SUSD1: variants seen among roughly 807,000 people sequenced by gnomAD.
The protein encoded by SUSD1 is sushi domain containing 1, also known as sushi domain-containing protein 1.
In SUSD1, 65 loss-of-function variants were observed where a neutral mutation model predicts 86.9. The ratio of observed to expected loss-of-function variants is 0.75; its 90% CI spans 0.61 to 0.92. The LOEUF is 0.92. Among genes scored for constraint, SUSD1 ranks in the 40% least tolerant of loss-of-function variants. The pLI is 0.00. For synonymous variants in SUSD1, 346 were observed against 350.0 expected, an observed-to-expected ratio of 0.99 and a Z score of 0.13; for missense variants, 850 against 929.7, an observed-to-expected ratio of 0.91 and a Z score of 1.11.
chr9:112,169,468 G>T (rs529919562), intron 1 of SUSD1: 32 of 151,466 alleles, frequency 2.1e-4, no homozygotes, highest in African/African-American at 6.3e-4. Flanking sequence ...TGGCTCACAC[G>T]ACCCAATCCT....
chr9:112,105,981 C>A lies in SUSD1; in HGVS notation c.1172-3696G>T, dbSNP rs180860394. ...AAGCTGAAAATCAAATTGCTTACAT[C>A]GAATTTTTTATATTTTATTTATTTA... On this transcript the variant is annotated intron_variant, in intron 8 of 16. Coordinates refer to ENST00000374270, the MANE Select transcript of SUSD1 (RefSeq NM_022486.5). Among the ~76,000 whole-genome samples, 197 of 152,126 alleles carry A rather than the reference C, an allele frequency of 1.3e-3. 1 individual carries two copies. The highest frequency in any genetic ancestry group is 2.4e-3 in the Non-Finnish European group (166 of 67,996).
chr9:112,043,172 G>T (rs532401098), intron 15 of SUSD1, among the ~76,000 whole-genome samples: 1 of 152,136 alleles, frequency 6.6e-6, no homozygotes, highest in South Asian at 2.1e-4. Flanking sequence ...TAACAAATTA[G>T]CCATGAGATT....
At chr9:112,048,008 G>T (rs1420398950) in intron 15 of SUSD1, among the ~76,000 whole-genome samples, 1 of 152,116 alleles carries the variant, frequency 6.6e-6, no homozygotes, top group Non-Finnish European at 1.5e-5. Context: ...TTTCTTACTG[G>T]CTGCAGCCAG....
chr9:112,079,810 C>T (rs529965467), intron 11 of SUSD1, among the ~76,000 whole-genome samples: 1 of 152,234 alleles, frequency 6.6e-6, no homozygotes, highest in South Asian at 2.1e-4. Flanking sequence ...ACCATGTTGA[C>T]CAGGCTGGTC....
rs1409549774 is a variant in SUSD1 at position 112,098,548 on chromosome 9, C to A, written c.1396G>T (p.Asp466Tyr). ...VVCLDLYPTTDYTVNVTLLRS... is the reference protein window; with the variant it reads ...VVCLDLYPTTYYTVNVTLLRS... ...AGCAGGGTCACATTCACCGTATAAT[C>A]AGTCGTAGGGTACAGATCCAAACAC... Residue 466 changes from aspartate (D) to tyrosine (Y), a missense_variant, in exon 10 of 17, where the codon GAT (aspartate) becomes TAT (tyrosine). Coordinates refer to ENST00000374270, the MANE Select transcript of SUSD1 (RefSeq NM_022486.5). 1 of 1,614,196 alleles carries A rather than the reference C, an allele frequency of 6.2e-7. No homozygotes were observed. The highest frequency in any genetic ancestry group is 1.1e-5 in the South Asian group (1 of 91,082).
Position 112,113,758 on chromosome 9 carries a change from C to T in SUSD1, c.887-890G>A, listed in dbSNP as rs1469089238. On this transcript the variant is annotated intron_variant, in intron 6 of 16. Transcript: ENST00000374270. The surrounding 1 kb of genome is among the most constrained non-coding windows in gnomAD (Gnocchi z 4.1). Reference sequence around the variant, plus strand: ...ACCAGCCTGGCCAACATAGTGAAACCCCATCTCTACTAAAAATACAAAACT... The same window carrying T: ...ACCAGCCTGGCCAACATAGTGAAACTCCATCTCTACTAAAAATACAAAACT... Among the ~76,000 whole-genome samples, 2 of 151,974 alleles carry T rather than the reference C, an allele frequency of 1.3e-5. No individual in the cohort carries two copies. Among genetic ancestry groups the T allele is most frequent in the Non-Finnish European group, 1.5e-5 (1 of 68,010 alleles).
intron 6 of SUSD1, among the ~76,000 whole-genome samples, chr9:112,123,018 A>C (rs1368914618): frequency 2.0e-5 from 3 of 152,204 alleles, no homozygotes; most frequent in Non-Finnish European, 4.4e-5. Flanking sequence ...CAAGATGAAA[A>C]AGTTCTGGAG....
chr9:112,142,226 A>G, intron 5 of SUSD1, 94 bp downstream of exon 5: 1 of 1,053,128 alleles, frequency 9.5e-7, no homozygotes, highest in Non-Finnish European at 1.3e-6. Context: ...GGTTTACTTA[A>G]CTCATTTATT....
At chr9:112,145,326 C>T (rs1832764602) in intron 3 of SUSD1, among the ~76,000 whole-genome samples, 1 of 141,932 alleles carries the variant, frequency 7.0e-6, no homozygotes, top group Non-Finnish European at 1.5e-5. Flanking sequence ...GTTGCCCAGG[C>T]TGGAGTGCAA....
intron 1 of SUSD1, among the ~76,000 whole-genome samples, chr9:112,170,339 G>A (rs1473143913): frequency 1.3e-5 from 2 of 152,252 alleles, no homozygotes; most frequent in East Asian, 3.9e-4. Flanking sequence ...AGTGAAGTCA[G>A]GTGACCTTTG....
chr9:112,072,140 C>CTTTTTTT, intron 12 of SUSD1, among the ~76,000 whole-genome samples: 51 of 121,166 alleles, frequency 4.2e-4, no homozygotes, highest in Non-Finnish European at 5.6e-4. Flanking sequence ...CTTTCTTTCT[C>CTTTTTTT]TTTTTTTTTT....
intron 12 of SUSD1, among the ~76,000 whole-genome samples, chr9:112,067,265 C>G (rs1441817195): frequency 6.6e-6 from 1 of 152,252 alleles, no homozygotes; most frequent in Middle Eastern, 3.2e-3. Flanking sequence ...CCTCCCAGGT[C>G]TGGCTGGAAG....
chr9:112,132,307 C>T (rs1832067331), intron 5 of SUSD1, among the ~76,000 whole-genome samples: 1 of 152,128 alleles, frequency 6.6e-6, no homozygotes, highest in Non-Finnish European at 1.5e-5. Context: ...GACATTTTGC[C>T]AACTGCCAGG....
chr9:112,126,746 A>C (rs1831793260), intron 5 of SUSD1, among the ~76,000 whole-genome samples: 1 of 151,874 alleles, frequency 6.6e-6, no homozygotes, highest in Non-Finnish European at 1.5e-5. Flanking sequence ...CCCAGAGATA[A>C]CTCTTCTGAT....
intron 2 of SUSD1, among the ~76,000 whole-genome samples, chr9:112,149,906 T>C (rs947716682): frequency 3.3e-5 from 5 of 152,218 alleles, no homozygotes; most frequent in African/African-American, 1.2e-4. Context: ...GAAGCAGGAA[T>C]AGCTCATGCT....
Position 112,074,623 on chromosome 9 carries a change from G to A in SUSD1, c.1753+3915C>T, listed in dbSNP as rs576356924. Among the ~76,000 whole-genome samples the A allele has an allele frequency of 3.9e-5, 6 of 152,252 alleles. 1 individual carries two copies. The East Asian group carries it at 7.7e-4, about 20-fold the overall frequency. ...TCCACTCTCTTTCCTTCTGGGAAAT[G>A]AGCAGCTACATTGTCCAGACCCAAA... On this transcript the variant is annotated intron_variant, in intron 12 of 16. Coordinates refer to ENST00000374270, the MANE Select transcript of SUSD1 (RefSeq NM_022486.5).
intron 5 of SUSD1, among the ~76,000 whole-genome samples, chr9:112,132,161 C>T (rs890665183): frequency 5.9e-5 from 9 of 152,080 alleles, no homozygotes; most frequent in African/African-American, 1.4e-4. Flanking sequence ...GTTTATTATA[C>T]GCATCAGCAC....
intron 1 of SUSD1, chr9:112,169,202 T>C (rs545082064): frequency 1.3e-5 from 2 of 152,220 alleles, no homozygotes; most frequent in Admixed American, 6.5e-5. Context: ...CAATGTAATA[T>C]TTGCAGGGCT....
chr9:112,098,429 A>G (rs1266799552), intron 10 of SUSD1, 41 bp downstream of exon 10: 1 of 1,596,020 alleles, frequency 6.3e-7, no homozygotes, highest in East Asian at 2.2e-5. Flanking sequence ...CACATAGGTA[A>G]TTTGTCCTGA....
Sources: gnomAD v4.1 joint callset for allele counts (sites outside exome capture counted in the v4.1 genomes callset) on GRCh38, gnomAD v4.1.1 for gene constraint, Gnocchi (gnomAD v3.1) non-coding constraint, MANE v1.5 for transcripts, NCBI Gene and HGNC (gene_info 2026-07-23, HGNC 2026-07-21) for gene names.